The following CDH23 variants were observed in gnomAD, a reference collection of about 807,000 sequenced individuals.
The protein encoded by CDH23 is cadherin related 23, also known as cadherin-23.
A neutral mutation model predicts 317.1 loss-of-function variants in CDH23; 189 were observed. The ratio of observed to expected loss-of-function variants is 0.60; its 90% CI spans 0.53 to 0.67. CDH23 has a LOEUF of 0.67. Ranked by LOEUF, CDH23 falls within the 30% of genes least tolerant of loss-of-function variation. CDH23 has a pLI of 0.00. For missense variants in CDH23, 4,401 were observed against 4,592.4 expected (o/e 0.96, Z 1.20); for synonymous variants, 1,839 against 1,876.8 (o/e 0.98, Z 0.52).
intron 11 of CDH23, among the ~76,000 whole-genome samples, chr10:71,620,884 C>T (rs1861435189): frequency 6.6e-6 from 1 of 152,216 alleles, no homozygotes; most frequent in African/African-American, 2.4e-5. Context: ...GGATGAGTTG[C>T]TTTCGGCCCA....
chr10:71,789,987 C>G (rs560503042), intron 45 of CDH23, among the ~76,000 whole-genome samples: 103 of 152,358 alleles, frequency 6.8e-4, no homozygotes, highest in Admixed American at 3.1e-3. Flanking sequence ...GCCCCAGACC[C>G]TCCCGAGGAG....
chr10:71,811,594 A>T lies in CDH23; in HGVS notation c.9278+4A>T. ...TGAACTGGTACTACAGGACTGTGTG[A>T]GTGTCCCCCACCCCTGCCATCAGGG... On this transcript the variant is annotated splice_donor_region_variant and intron_variant, in intron 64 of 69. Transcript: ENST00000224721. The T allele has an allele frequency of 6.2e-7, 1 of 1,613,838 alleles. No individual in the cohort carries two copies. Among genetic ancestry groups the T allele is most frequent in the Non-Finnish European group, 8.5e-7 (1 of 1,179,854 alleles).
At chr10:71,688,978 G>GGTGGAGCCAGGGGTAGAGGAGTCAGGGA (rs1564733715) in intron 19 of CDH23, among the ~76,000 whole-genome samples, 1 of 19,398 alleles carries the variant, frequency 5.2e-5, no homozygotes, top group African/African-American at 1.8e-4. Context: ...GAGTCCAGGG[G>GGTGGAGCCAGGGGTAGAGGAGTCAGGGA]TGGTGGAGTC....
At chr10:71,566,631 CG>C in intron 6 of CDH23, 110 bp from the exon 7 acceptor site, 1 of 939,668 alleles carries the variant, frequency 1.1e-6, no homozygotes, top group Non-Finnish European at 1.5e-6. Context: ...GACAAGGCCT[CG>C]GGTCTGGTTG....
intron 11 of CDH23, among the ~76,000 whole-genome samples, chr10:71,630,348 T>G (rs1861945262): frequency 6.6e-6 from 1 of 152,038 alleles, no homozygotes; most frequent in South Asian, 2.1e-4. Context: ...GGATGCTGTG[T>G]CTGCCAGGGG....
intron 34 of CDH23, among the ~76,000 whole-genome samples, chr10:71,736,968 C>T (rs1839583905): frequency 6.6e-6 from 1 of 152,144 alleles, no homozygotes. Flanking sequence ...AAAGGAAGAG[C>T]ATTTCGGGCA....
chr10:71,498,027 C>T (rs1465116819), intron 3 of CDH23, among the ~76,000 whole-genome samples: 2 of 152,170 alleles, frequency 1.3e-5, no homozygotes, highest in Non-Finnish European at 2.9e-5. Context: ...TTGGAGTGGG[C>T]ACATGAAACT....
At chr10:71,679,212 T>C (rs1864504405) in intron 16 of CDH23, among the ~76,000 whole-genome samples, 175 bp from the exon 17 acceptor site, 1 of 152,132 alleles carries the variant, frequency 6.6e-6, no homozygotes, top group African/African-American at 2.4e-5. Flanking sequence ...CGGCCTCCAG[T>C]TGAAGCACAA....
chr10:71,815,076 G>C lies in CDH23; in HGVS notation c.9863G>C (p.Ser3288Thr). The change falls in exon 70 of 70, where the codon AGC (serine) becomes ACC (threonine). Residue 3288 changes from serine (S) to threonine (T), a missense_variant. Physicochemically the swap from Ser to Thr is moderately conservative, Grantham distance 58 (BLOSUM62 1). This residue lies in a region of CDH23 where 1,144 missense variants were observed against 1,138.2 expected (regional missense o/e 1.01). Transcript: ENST00000224721. ...GPDGIHVVHGSTGTLLATDLN... is the reference protein window; with the variant it reads ...GPDGIHVVHGTTGTLLATDLN... ...GATGGGATCCATGTGGTGCACGGCA[G>C]CACGGGCACGCTGCTGGCCACCGAC... 6.2e-7 allele frequency: 1 copy of C among 1,611,264 alleles called. No individual in the cohort carries two copies. Among genetic ancestry groups the C allele is most frequent in the Non-Finnish European group, 8.5e-7 (1 of 1,179,138 alleles).
intron 3 of CDH23, among the ~76,000 whole-genome samples, chr10:71,479,381 A>G (rs1851955178): frequency 6.6e-6 from 1 of 152,084 alleles, no homozygotes; most frequent in Non-Finnish European, 1.5e-5. Context: ...GTTTTTGTCT[A>G]AGGATTTGGG....
chr10:71,522,808 G>A (rs533813944), intron 6 of CDH23, among the ~76,000 whole-genome samples: 1 of 152,260 alleles, frequency 6.6e-6, no homozygotes, highest in South Asian at 2.1e-4. Context: ...GTTGGATAGA[G>A]AGGAAGGAGA....
intron 18 of CDH23, among the ~76,000 whole-genome samples, chr10:71,687,259 G>T (rs1190326359): frequency 6.6e-6 from 1 of 152,202 alleles, no homozygotes; most frequent in East Asian, 1.9e-4. Flanking sequence ...CTACGCAGGG[G>T]TCCAAGTGGG....
Position 71,763,445 on chromosome 10 carries a change from T to C in CDH23, c.4846-14235T>C, listed in dbSNP as rs1205962506. The stretch of plus-strand genomic sequence containing the variant: ...AGCCAGGGGCATTGCCCAGAACCAA[T>C]ATAATGCCACATCCTCCTTCAGATG... On this transcript the variant is annotated intron_variant, in intron 38 of 69. Coordinates refer to ENST00000224721, the MANE Select transcript of CDH23 (RefSeq NM_022124.6). Among the ~76,000 whole-genome samples, 3 of 152,154 alleles carry C rather than the reference T, an allele frequency of 2.0e-5. No individual in the cohort carries two copies. The East Asian group carries it at 5.8e-4, about 29-fold the overall frequency.
At chr10:71,810,173 C>A (rs1473343085) in intron 61 of CDH23, 97 bp downstream of exon 61, 1 of 1,434,456 alleles carries the variant, frequency 7.0e-7, no homozygotes, top group Non-Finnish European at 9.6e-7. Flanking sequence ...AAGGCCAGGG[C>A]GTGAAAGGCA....
In CDH23 at chr10:71,696,973, T is replaced by G. The variant is rs933130829; in HGVS notation, c.2397+1448T>G. Among the ~76,000 whole-genome samples, 12 of 152,328 alleles carry G rather than the reference T, an allele frequency of 7.9e-5. No homozygotes were observed. In the East Asian group the frequency reaches 1.2e-3, roughly 15 times the overall value. ...AGGGATTCCAAGAGCTGGGGCTGGA[T>G]CTCACCTCTGAACACCTTCTGGTCA... is the stretch of plus-strand genomic sequence containing the variant. On this transcript the variant is annotated intron_variant, in intron 22 of 69. Transcript: ENST00000224721.
In CDH23 at chr10:71,810,061, T is replaced by C; in HGVS notation, c.8964T>C (p.Asn2988=). The change falls in exon 61 of 70, where the codon AAT becomes AAC. Residue 2988 remains asparagine (N), a synonymous_variant. Transcript: ENST00000224721. The stretch of plus-strand genomic sequence containing the variant: ...CCAACATCACTGGGGCCATTGTCAA[T>C]ACTGACAATGTGCAGGTGCCTCATG... ...LLSNITGAIV[N]TDNVQFHVDK... 6.2e-7 allele frequency: 1 copy of C among 1,612,282 alleles called. No homozygotes were observed. The highest frequency in any genetic ancestry group is 8.5e-7 in the Non-Finnish European group (1 of 1,179,634).
In CDH23 at chr10:71,807,410, G is replaced by A. The variant is rs751021859; in HGVS notation, c.8308+4G>A. The stretch of plus-strand genomic sequence containing the variant: ...ATCGTGTACTACTTCATCGCAGGTG[G>A]GGCCAGACAGAGCTAGTGCCCTGAT... On this transcript the variant is annotated splice_donor_region_variant and intron_variant, in intron 58 of 69. Transcript: ENST00000224721. The A allele has an allele frequency of 5.0e-6, 8 of 1,613,620 alleles. No individual in the cohort carries two copies. The highest frequency in any genetic ancestry group is 1.6e-4 in the Middle Eastern group (1 of 6,084).
At chr10:71,437,993 G>T (rs1849692201) in intron 1 of CDH23, among the ~76,000 whole-genome samples, 1 of 152,210 alleles carries the variant, frequency 6.6e-6, no homozygotes, top group South Asian at 2.1e-4. Flanking sequence ...GAAACACAGG[G>T]ATAGGATGTG....
At chr10:71,470,864 T>C (rs550145858) in intron 3 of CDH23, among the ~76,000 whole-genome samples, 9 of 152,242 alleles carry the variant, frequency 5.9e-5, no homozygotes, top group African/African-American at 2.2e-4. Context: ...ATTTTCCTAA[T>C]GATTAATGAT....
Sources: allele counts gnomAD v4.1 joint callset (sites outside exome capture counted in the v4.1 genomes callset), GRCh38; gene constraint gnomAD v4.1.1; regional missense constraint gnomAD v4.1.1; transcripts MANE v1.5; gene names NCBI Gene and HGNC (gene_info 2026-07-23, HGNC 2026-07-21).